Variants in VSIG1 observed in about 807,000 individuals in gnomAD.
The protein encoded by VSIG1 is V-set and immunoglobulin domain-containing protein 1.
VSIG1 carries 11 observed loss-of-function variants against 20.1 expected under a neutral mutation model. That is an observed-to-expected ratio of 0.55 (90% CI 0.34 to 0.91). The LOEUF is 0.91. Among genes scored for constraint, VSIG1 ranks in the 40% least tolerant of loss-of-function variants. The pLI is 0.02. For synonymous variants in VSIG1, 126 were observed against 116.7 expected (o/e 1.08, Z -0.52); for missense variants, 283 against 298.8 (o/e 0.95, Z 0.39).
chrX:108,074,204 G>A (rs1393027022), intron 5 of VSIG1, among the ~76,000 whole-genome samples: 1 of 112,055 alleles, frequency 8.9e-6, no homozygotes, highest in African/African-American at 3.2e-5. Context: ...GTTCCAGTGG[G>A]TTTTTGCTCT....
upstream of VSIG1, among the ~76,000 whole-genome samples, chrX:108,040,883 T>C (rs2030469259): frequency 9.0e-6 from 1 of 110,842 alleles, no homozygotes; most frequent in African/African-American, 3.3e-5. Flanking sequence ...TGTGTGTTTG[T>C]GCATGTGTAC....
rs2031367394 is a variant in VSIG1, at chrX:108,077,210, G to A, written c.993G>A (p.Glu331=). The stretch of plus-strand genomic sequence containing the variant: ...AGCCTACTCAGGAGCCTGCCCCAGA[G>A]CCTGCCCCAGGATCAGAGCCTATGG... ...EPKPTQEPAP[E]PAPGSEPMAV... The change falls in exon 7 of 7, where the codon GAG becomes GAA. Residue 331 remains glutamate (E), a synonymous_variant. Coordinates refer to ENST00000217957, the MANE Select transcript of VSIG1 (RefSeq NM_182607.5). The A allele has an allele frequency of 4.1e-6, 5 of 1,211,946 alleles. No individual in the cohort carries two copies. In the South Asian group the frequency reaches 5.3e-5, roughly 13 times the overall value.
the VSIG1 span, among the ~76,000 whole-genome samples, chrX:108,025,203 T>A: frequency 0.035 from 3,902 of 112,112 alleles, 82 homozygotes; most frequent in East Asian, 0.097. Flanking sequence ...GAAACGTATC[T>A]TTTGGATAAT....
intron 2 of VSIG1, among the ~76,000 whole-genome samples, chrX:108,058,951 C>T (rs371238698): frequency 1.2e-3 from 126 of 108,139 alleles, no homozygotes; most frequent in African/African-American, 3.9e-3. Context: ...TGTGTGTGTG[C>T]GCATGCATAT....
At position 108,058,084 on chromosome X, in the gene VSIG1, C is replaced by T. The variant is rs769772693; in HGVS notation, c.96C>T (p.Asn32=). The T allele has an allele frequency of 6.6e-6, 8 of 1,208,605 alleles. No homozygotes were observed. Among genetic ancestry groups the T allele is most frequent in the African/African-American group, 3.5e-5 (2 of 56,962 alleles). The change falls in exon 2 of 7, where the codon AAC becomes AAT. Residue 32 remains asparagine (N), a synonymous_variant. Transcript: ENST00000217957. ...VQVTIPDGFV[N]VTVGSNVTLI... ...TGACCATCCCAGACGGTTTCGTGAACGTGACTGTTGGATCTAATGTCACTC... is the reference window on the plus strand; with the variant it reads ...TGACCATCCCAGACGGTTTCGTGAATGTGACTGTTGGATCTAATGTCACTC...
the VSIG1 span, among the ~76,000 whole-genome samples, chrX:108,038,673 G>A: frequency 8.9e-6 from 1 of 112,126 alleles, no homozygotes; most frequent in South Asian, 3.7e-4. Context: ...GGAATACTAT[G>A]CAGCTTAAAT....
At chrX:108,049,860 T>C (rs1161170313) in intron 1 of VSIG1, among the ~76,000 whole-genome samples, 1 of 111,999 alleles carries the variant, frequency 8.9e-6, no homozygotes, top group Non-Finnish European at 1.9e-5. Context: ...GAGGGAACCA[T>C]CTTTCTCCAG....
chrX:108,052,714 C>T (rs2030811446), intron 1 of VSIG1, among the ~76,000 whole-genome samples: 1 of 111,650 alleles, frequency 9.0e-6, no homozygotes, highest in Non-Finnish European at 1.9e-5. Flanking sequence ...ACAGTGTATG[C>T]ATATATTAAA....
chrX:108,074,173 T>C (rs17254312), intron 5 of VSIG1, among the ~76,000 whole-genome samples: 38,547 of 111,175 alleles, frequency 0.35, 5,255 homozygotes, highest in Non-Finnish European at 0.42. Context: ...TTTTAATATA[T>C]GCCATATCCA....
At chrX:108,041,164 T>G (rs1303188210), upstream of VSIG1, among the ~76,000 whole-genome samples, 2 of 108,188 alleles carry the variant, frequency 1.8e-5, no homozygotes, top group Non-Finnish European at 3.8e-5. Context: ...ACCGTGCCAT[T>G]GTGTGGTGTG....
At chrX:108,023,136 G>C in the VSIG1 span, among the ~76,000 whole-genome samples, 1 of 112,315 alleles carries the variant, frequency 8.9e-6, no homozygotes, top group Non-Finnish European at 1.9e-5. Flanking sequence ...TGTTAGAGAA[G>C]TTCCCTTCTA....
upstream of VSIG1, among the ~76,000 whole-genome samples, chrX:108,044,164 A>G (rs933591435): frequency 3.6e-5 from 4 of 111,771 alleles, no homozygotes; most frequent in Admixed American, 3.8e-4. Context: ...GAAAGAACAC[A>G]TCTGAAAGTC....
chrX:108,047,799 T>TATATATACATATATATACAC (rs1555980243), intron 1 of VSIG1, among the ~76,000 whole-genome samples: 3 of 68,546 alleles, frequency 4.4e-5, no homozygotes, highest in Non-Finnish European at 7.9e-5. Flanking sequence ...TCTATATATA[T>TATATATACATATATATACAC]ATATATATAC....
rs192018963 is a variant in VSIG1, at chrX:108,054,714, G to A, written c.50-3324G>A. ...AACAACACTGTTCTAAATAATCCGT[G>A]GATCAAAGAGGAAATCTCAAAAGGA... On this transcript the variant is annotated intron_variant, in intron 1 of 6. Transcript: ENST00000217957. Among the ~76,000 whole-genome samples the A allele has an allele frequency of 2.7e-5, 3 of 110,235 alleles. No homozygotes were observed. In the East Asian group the frequency reaches 8.5e-4, roughly 31 times the overall value.
intron 2 of VSIG1, among the ~76,000 whole-genome samples, chrX:108,063,490 C>T (rs905602991): frequency 1.4e-4 from 15 of 111,074 alleles, no homozygotes; most frequent in African/African-American, 4.9e-4. Flanking sequence ...TTTCAGTCGG[C>T]CTGCCCAGTA....
At chrX:108,028,702 C>T in the VSIG1 span, among the ~76,000 whole-genome samples, 2 of 110,880 alleles carry the variant, frequency 1.8e-5, no homozygotes, top group Admixed American at 1.9e-4. Flanking sequence ...CCCCATTGAG[C>T]CAAAAGGTCC....
chrX:108,057,048 T>C (rs2030915073), intron 1 of VSIG1, among the ~76,000 whole-genome samples: 1 of 112,349 alleles, frequency 8.9e-6, no homozygotes, highest in African/African-American at 3.2e-5. Context: ...CATCGGGTAC[T>C]ACAAATCAAT....
chrX:108,041,124 G>T (rs1040948912), upstream of VSIG1, among the ~76,000 whole-genome samples: 10 of 107,515 alleles, frequency 9.3e-5, no homozygotes, highest in African/African-American at 2.4e-4. Flanking sequence ...AATACTGGGG[G>T]CAGTAGCATA....
Position 108,072,868 on chromosome X carries a change from G to T in VSIG1, c.568+36G>T, listed in dbSNP as rs759920992. 4 of 1,185,363 alleles carry T rather than the reference G, an allele frequency of 3.4e-6. No homozygotes were observed. The East Asian group carries it at 1.2e-4, about 35-fold the overall frequency. Reference sequence around the variant, plus strand: ...CCTGCAGTAGACCCTGGAAAGGCCTGGTGTCTGTGGTTGGATGACAGCAGG... The same window carrying T: ...CCTGCAGTAGACCCTGGAAAGGCCTTGTGTCTGTGGTTGGATGACAGCAGG... On this transcript the variant is annotated intron_variant, in intron 4 of 6. Transcript: ENST00000217957.
Sources: gnomAD v4.1 joint callset for allele counts (sites outside exome capture counted in the v4.1 genomes callset) on GRCh38, gnomAD v4.1.1 for gene constraint, MANE v1.5 for transcripts, NCBI Gene and HGNC (gene_info 2026-07-23, HGNC 2026-07-21) for gene names.